KATNAL1: variants seen among roughly 807,000 people sequenced by gnomAD.
KATNAL1 encodes the protein katanin p60 ATPase-containing subunit A-like 1.
A neutral mutation model predicts 55.2 loss-of-function variants in KATNAL1; 32 were observed. That is an observed-to-expected ratio of 0.58 (90% CI 0.44 to 0.78). The LOEUF (loss-of-function observed/expected upper bound fraction) is 0.78. Among genes scored for constraint, KATNAL1 ranks in the 30% least tolerant of loss-of-function variants. The pLI is 0.00. For synonymous variants in KATNAL1, 193 were observed against 193.6 expected (o/e 1.00, Z 0.02); for missense variants, 466 against 600.9 (o/e 0.78, Z 2.35).
intron 3 of KATNAL1, among the ~76,000 whole-genome samples, chr13:30,277,513 G>A (rs552370849): frequency 9.2e-5 from 14 of 152,102 alleles, no homozygotes; most frequent in South Asian, 2.1e-4. Context: ...ATTCACTATC[G>A]CTAAGTGAAA....
intron 1 of KATNAL1, among the ~76,000 whole-genome samples, chr13:30,288,801 G>T (rs937922312): frequency 2.0e-5 from 3 of 152,200 alleles, no homozygotes; most frequent in Non-Finnish European, 4.4e-5. Context: ...AGCAGGGCAA[G>T]TGAGAATATT....
intron 4 of KATNAL1, among the ~76,000 whole-genome samples, chr13:30,248,257 G>A (rs77333823): frequency 6.6e-6 from 1 of 151,808 alleles, no homozygotes; most frequent in South Asian, 2.2e-4. Flanking sequence ...CATTTGCACA[G>A]GAAAAAAACA....
chr13:30,236,929 TTCTATTCATCTTTCAAG>T, intron 6 of KATNAL1, among the ~76,000 whole-genome samples: 1 of 152,240 alleles, frequency 6.6e-6, no homozygotes, highest in Non-Finnish European at 1.5e-5. Context: ...CCTGTTTAAC[TTCTATTCATCTTTCAAG>T]TCTCAGCTCA....
intron 9 of KATNAL1, among the ~76,000 whole-genome samples, chr13:30,213,010 G>A (rs1020410838): frequency 3.9e-5 from 6 of 152,106 alleles, no homozygotes; most frequent in Admixed American, 2.0e-4. Flanking sequence ...TGAAGACGCC[G>A]GGACAAGATG....
chr13:30,241,914 T>C (rs1401867314), intron 4 of KATNAL1, among the ~76,000 whole-genome samples: 8 of 152,168 alleles, frequency 5.3e-5, no homozygotes. Flanking sequence ...CCCAAAAAAA[T>C]AAATTATTTC....
At chr13:30,267,355 C>A (rs540751392) in intron 3 of KATNAL1, among the ~76,000 whole-genome samples, 1 of 152,138 alleles carries the variant, frequency 6.6e-6, no homozygotes, top group Non-Finnish European at 1.5e-5. Flanking sequence ...AGGTCTTTGT[C>A]CAGTTTATCG....
At chr13:30,246,306 T>A (rs1877787598) in intron 4 of KATNAL1, among the ~76,000 whole-genome samples, 1 of 152,202 alleles carries the variant, frequency 6.6e-6, no homozygotes, top group Non-Finnish European at 1.5e-5. Context: ...GGATTCCCTA[T>A]TTAATAGACG....
chr13:30,253,605 C>A lies in KATNAL1; in HGVS notation c.492+1842G>T, dbSNP rs367578102. Among the ~76,000 whole-genome samples the A allele has an allele frequency of 2.1e-5, 3 of 143,316 alleles. No individual in the cohort carries two copies. The East Asian group carries it at 6.1e-4, about 29-fold the overall frequency. 94.0% of individuals were successfully genotyped at this position (143,316 alleles called of 152,430 possible). A position where few individuals can be genotyped will look rare whatever the true frequency, so the allele number is the denominator to read the frequency against. On this transcript the variant is annotated intron_variant, in intron 4 of 10. Coordinates refer to ENST00000380615, the MANE Select transcript of KATNAL1 (RefSeq NM_032116.5). ...ACGTGAACCTGGGAGGTGGAGCCTG[C>A]AGTGAGCTGAGGTTGTGCCACTGCA...
chr13:30,306,890 C>A (rs759319312), intron 1 of KATNAL1: 8 of 152,282 alleles, frequency 5.3e-5, no homozygotes, highest in Non-Finnish European at 1.0e-4. Context: ...TGGGGCTGAG[C>A]GCTGCAACTG....
chr13:30,285,319 A>G (rs1881701108), intron 1 of KATNAL1, among the ~76,000 whole-genome samples: 1 of 103,010 alleles, frequency 9.7e-6, no homozygotes, highest in Admixed American at 1.0e-4. Context: ...TTAAATTGTA[A>G]TAATCACCAC....
In KATNAL1 at chr13:30,255,595, C is replaced by T. The variant is rs764643579; in HGVS notation, c.344G>A (p.Arg115His). The change falls in exon 4 of 11, where the codon CGT becomes CAT. Residue 115 changes from arginine to histidine, a missense_variant. This residue lies in a region of KATNAL1 where 248 missense variants were observed against 275.5 expected (regional missense o/e 0.90). Coordinates refer to ENST00000380615, the MANE Select transcript of KATNAL1 (RefSeq NM_032116.5). ...AEHRAPPQIR[R>H]PNREVRPLRK... ...CAGAGGTCTTACTTCTCGATTGGGA[C>T]GCCTGATCTGAGGTGGAGCTCTGAC... is the stretch of plus-strand genomic sequence containing the variant. The T allele has an allele frequency of 1.9e-5, 29 of 1,512,400 alleles. No homozygotes were observed. The highest frequency in any genetic ancestry group is 1.8e-4 in the Middle Eastern group (1 of 5,580). 93.7% of individuals were successfully genotyped at this position (1,512,400 alleles called of 1,614,324 possible). A position where few individuals can be genotyped will look rare whatever the true frequency, so the allele number is the denominator to read the frequency against.
rs554114600 is a variant in KATNAL1 at position 30,208,284 on chromosome 13, T to TA, written c.*255dup. ...TGCGCCCTTGCTTCAGCCTCCCTGA[T>TA]AGACTGGTTTGGGTGTGCAATATTA... On this transcript the variant is annotated 3_prime_UTR_variant, in exon 11 of 11. Coordinates refer to ENST00000380615, the MANE Select transcript of KATNAL1 (RefSeq NM_032116.5). The TA allele has an allele frequency of 7.9e-4, 278 of 353,748 alleles. 1 individual carries two copies. Among genetic ancestry groups the TA allele is most frequent in the Admixed American group, 2.6e-3 (57 of 21,550 alleles). 21.9% of individuals were successfully genotyped at this position (353,748 alleles called of 1,614,324 possible). A position where few individuals can be genotyped will look rare whatever the true frequency, so the allele number is the denominator to read the frequency against.
At chr13:30,222,922 G>A (rs56043869) in intron 9 of KATNAL1, among the ~76,000 whole-genome samples, 19,174 of 151,532 alleles carry the variant, frequency 0.13, 1,579 homozygotes, top group Admixed American at 0.23. Flanking sequence ...GCGAAACCCC[G>A]TCTCTACTAA....
chr13:30,261,225 A>G (rs1474889023), intron 3 of KATNAL1, among the ~76,000 whole-genome samples: 1 of 152,154 alleles, frequency 6.6e-6, no homozygotes, highest in Non-Finnish European at 1.5e-5. Flanking sequence ...GAAGCACTAA[A>G]CATGGAAAGG....
chr13:30,233,694 A>G (rs1876348903), intron 6 of KATNAL1, among the ~76,000 whole-genome samples: 2 of 152,188 alleles, frequency 1.3e-5, no homozygotes, highest in South Asian at 2.1e-4. Context: ...AAATCAACCT[A>G]AGTGCCCAAC....
chr13:30,269,942 G>A (rs1166580904), intron 3 of KATNAL1, among the ~76,000 whole-genome samples: 2 of 149,316 alleles, frequency 1.3e-5, no homozygotes, highest in East Asian at 4.0e-4. Context: ...TCCGGGAGGT[G>A]AGGGGCACCT....
chr13:30,236,897 G>C (rs1368923677), intron 6 of KATNAL1, among the ~76,000 whole-genome samples: 1 of 152,100 alleles, frequency 6.6e-6, no homozygotes, highest in Non-Finnish European at 1.5e-5. Context: ...CTCTGCCTTA[G>C]AGCCTTTCTT....
intron 3 of KATNAL1, among the ~76,000 whole-genome samples, chr13:30,266,058 AGGCTGGAGTGCAGT>A (rs1487712587): frequency 6.9e-6 from 1 of 144,204 alleles, no homozygotes; most frequent in Non-Finnish European, 1.5e-5. Flanking sequence ...TCTGCCACCC[AGGCTGGAGTGCAGT>A]GGCCCACTCT....
intron 4 of KATNAL1, among the ~76,000 whole-genome samples, chr13:30,244,777 G>A (rs896548817): frequency 1.2e-4 from 18 of 152,136 alleles, no homozygotes; most frequent in South Asian, 1.0e-3. Flanking sequence ...ACACCTCTAC[G>A]CAAATAAACC....
Sources: gnomAD v4.1 joint callset for allele counts (sites outside exome capture counted in the v4.1 genomes callset) on GRCh38, gnomAD v4.1.1 for gene constraint, gnomAD v4.1.1 regional missense constraint, MANE v1.5 for transcripts, NCBI Gene and HGNC (gene_info 2026-07-23, HGNC 2026-07-21) for gene names.